The following FBXW9 variants were observed in gnomAD, a reference collection of about 807,000 sequenced individuals.
The protein encoded by FBXW9 is F-box and WD repeat domain containing 9, also known as F-box/WD repeat-containing protein 9.
FBXW9 carries 38 observed loss-of-function variants against 55.8 expected under a neutral mutation model. The ratio of observed to expected loss-of-function variants is 0.68; its 90% confidence interval spans 0.53 to 0.89. The LOEUF (loss-of-function observed/expected upper bound fraction) is 0.89. Among genes scored for constraint, FBXW9 ranks in the 40% least tolerant of loss-of-function variants. The pLI is 0.00. For missense variants in FBXW9, 590 were observed against 619.4 expected (o/e 0.95, Z 0.50); for synonymous variants, 289 against 278.2 (o/e 1.04, Z -0.38).
In FBXW9 at chr19:12,691,199, A is replaced by T; in HGVS notation, c.850T>A (p.Tyr284Asn). The T allele has an allele frequency of 1.2e-6, 2 of 1,614,196 alleles. No individual in the cohort carries two copies. Among genetic ancestry groups the T allele is most frequent in the Non-Finnish European group, 1.7e-6 (2 of 1,180,022 alleles). ...TCGTAGATGGTCACCTTCTTGTCAT[A>T]GGTGCCAGTCACCAGGATGTCAGGC... ...YLPDILVTGTYDKKVTIYDPR... is the reference protein window; with the variant it reads ...YLPDILVTGTNDKKVTIYDPR... The change falls in exon 5 of 10, where the codon TAT becomes AAT. Residue 284 changes from tyrosine (Y) to asparagine (N), a missense_variant. Physicochemically the swap from Tyr to Asn is moderately radical, Grantham distance 143 (BLOSUM62 -2). Transcript: ENST00000393261.
At chr19:12,695,064 A>G in intron 1 of FBXW9, 126 bp from the exon 2 acceptor site, 1 of 1,121,282 alleles carries the variant, frequency 8.9e-7, no homozygotes, top group Non-Finnish European at 1.2e-6. Flanking sequence ...CCCCATGGAG[A>G]TCCCTACTCC....
At position 12,691,214 on chromosome 19, in the gene FBXW9, G is replaced by A. The variant is rs1188065505; in HGVS notation, c.835C>T (p.Leu279=). 3 of 1,614,224 alleles carry A rather than the reference G, an allele frequency of 1.9e-6. No individual in the cohort carries two copies. The highest frequency in any genetic ancestry group is 2.5e-6 in the Non-Finnish European group (3 of 1,180,036). ...VLCLSYLPDI[L]VTGTYDKKVT... is the part of the protein sequence containing the mutation. ...TTCTTGTCATAGGTGCCAGTCACCA[G>A]GATGTCAGGCAGGTAGGAGAGGCAC... Residue 279 remains leucine (L), a synonymous_variant, in exon 5 of 10, where the codon CTG becomes TTG. Coordinates refer to ENST00000393261, the MANE Select transcript of FBXW9 (RefSeq NM_032301.3).
intron 3 of FBXW9, among the ~76,000 whole-genome samples, chr19:12,692,383 G>A (rs545542772): frequency 9.6e-4 from 145 of 150,514 alleles, no homozygotes; most frequent in African/African-American, 3.4e-3. Flanking sequence ...ATGTGCCACC[G>A]CGCCAGCTAA....
chr19:12,690,776 C>G (rs2024996635), intron 5 of FBXW9, among the ~76,000 whole-genome samples: 1 of 152,118 alleles, frequency 6.6e-6, no homozygotes, highest in African/African-American at 2.4e-5. Flanking sequence ...TCTGGAGTAG[C>G]TGGGACTACA....
rs568783374 is a variant in FBXW9 at position 12,690,451 on chromosome 19, G to T, written c.884-341C>A. 1.0e-3 allele frequency among the ~76,000 whole-genome samples: 158 copies of T among 152,250 alleles called. 1 individual carries two copies. Among genetic ancestry groups the T allele is most frequent in the African/African-American group, 3.0e-3 (124 of 41,540 alleles). The stretch of plus-strand genomic sequence containing the variant: ...CCGCAGCCCCGCTCCAGCTCTGCCT[G>T]GACAAGGTACACTGGCCCTTCAATT... On this transcript the variant is annotated intron_variant, in intron 5 of 9. Transcript: ENST00000393261.
At chr19:12,696,106 C>T (rs973418747) in intron 1 of FBXW9, 67 bp downstream of exon 1, 128 of 1,429,818 alleles carry the variant, frequency 9.0e-5, no homozygotes, top group Non-Finnish European at 1.1e-4. Context: ...TGTACCTCTT[C>T]CCCGCCCCAA....
chr19:12,690,818 C>T (rs938593768), intron 5 of FBXW9, among the ~76,000 whole-genome samples: 1 of 152,088 alleles, frequency 6.6e-6, no homozygotes, highest in Non-Finnish European at 1.5e-5. Context: ...CATAAAAAAA[C>T]GTAGTTAATC....
chr19:12,696,618 C>T lies in FBXW9; in HGVS notation c.-37G>A, dbSNP rs773898076. On this transcript the variant is annotated 5_prime_UTR_variant, in exon 1 of 10. Transcript: ENST00000393261. Reference sequence around the variant, plus strand: ...GGGCGCTGCCGGCCTCGCGTCTTGTCTCCTAGGCAGCACGAGGGCACTTCC... The same window carrying T: ...GGGCGCTGCCGGCCTCGCGTCTTGTTTCCTAGGCAGCACGAGGGCACTTCC... The T allele has an allele frequency of 1.3e-6, 2 of 1,589,932 alleles. No homozygotes were observed. The highest frequency in any genetic ancestry group is 1.7e-6 in the Non-Finnish European group (2 of 1,175,686).
intron 3 of FBXW9, among the ~76,000 whole-genome samples, chr19:12,692,463 T>C (rs2025021404): frequency 6.6e-6 from 1 of 151,604 alleles, no homozygotes; most frequent in Non-Finnish European, 1.5e-5. Flanking sequence ...TGACCTCAGA[T>C]GATCCGCCTG....
intron 1 of FBXW9, 146 bp downstream of exon 1, chr19:12,696,027 A>G: frequency 1.2e-6 from 1 of 861,610 alleles, no homozygotes; most frequent in Non-Finnish European, 1.7e-6. Flanking sequence ...ACCAGTAACT[A>G]CCTTAGCCTC....
At chr19:12,693,418 GA>G (rs1411479777) in intron 3 of FBXW9, among the ~76,000 whole-genome samples, 1 of 146,164 alleles carries the variant, frequency 6.8e-6, no homozygotes, top group Non-Finnish European at 1.5e-5. Context: ...TAGCATTTTG[GA>G]AGGCTGAGTC....
intron 3 of FBXW9, among the ~76,000 whole-genome samples, chr19:12,693,770 A>G (rs2025042849): frequency 6.8e-6 from 1 of 148,114 alleles, no homozygotes; most frequent in Admixed American, 6.8e-5. Context: ...AGGCACCTGT[A>G]ATCCCAGTTA....
rs763467704 is a variant in FBXW9, at chr19:12,689,860, C to T, written c.1047G>A (p.Leu349=). The T allele has an allele frequency of 6.2e-7, 1 of 1,614,092 alleles. No individual in the cohort carries two copies. Among genetic ancestry groups the T allele is most frequent in the Non-Finnish European group, 8.5e-7 (1 of 1,179,996 alleles). ...GGGGTTCCTGGTAGGACATGCAGAG[C>T]AGGTAGGAGTCCAGCTACGAGAGGG... is the stretch of plus-strand genomic sequence containing the variant. ...VLQRLQLDSY[L]LCMSYQEPQL... is the part of the protein sequence containing the mutation. The change falls in exon 7 of 10, where the codon CTG becomes CTA. Residue 349 remains leucine (L), a synonymous_variant. Coordinates refer to ENST00000393261, the MANE Select transcript of FBXW9 (RefSeq NM_032301.3). The surrounding 1 kb of genome is among the most constrained non-coding windows in gnomAD (Gnocchi z 5.9).
chr19:12,696,353 G>A lies in FBXW9; in HGVS notation c.229C>T (p.Pro77Ser), dbSNP rs775469170. Reference sequence around the variant, plus strand: ...TCCGGGGGAAGGCTCAGAAGGCCCGGCTCACTTACGGCCGAAACCCTGGAC... The same window carrying A: ...TCCGGGGGAAGGCTCAGAAGGCCCGACTCACTTACGGCCGAAACCCTGGAC... Reference protein sequence around the residue: ...AASRVSAVSEPGLLSLPPELL... With the variant: ...AASRVSAVSESGLLSLPPELL... The change falls in exon 1 of 10, where the codon CCG becomes TCG. Residue 77 changes from proline to serine, a missense_variant. Transcript: ENST00000393261. The A allele has an allele frequency of 6.2e-7, 1 of 1,604,038 alleles. No individual in the cohort carries two copies. Among genetic ancestry groups the A allele is most frequent in the Non-Finnish European group, 8.5e-7 (1 of 1,176,090 alleles).
chr19:12,692,161 G>A (rs1386530766), intron 3 of FBXW9, among the ~76,000 whole-genome samples: 1 of 151,472 alleles, frequency 6.6e-6, no homozygotes, highest in Non-Finnish European at 1.5e-5. Flanking sequence ...CCAGGCTCAA[G>A]CAATCCTTGT....
rs199776144 is a variant in FBXW9 at position 12,696,598 on chromosome 19, C to G, written c.-17G>C. 3.7e-6 allele frequency: 6 copies of G among 1,602,414 alleles called. No homozygotes were observed. The African/African-American group carries it at 6.7e-5, about 18-fold the overall frequency. ...AAGCTCCATTGCGACCGGGTGGGCG[C>G]TGCCGGCCTCGCGTCTTGTCTCCTA... On this transcript the variant is annotated 5_prime_UTR_variant, in exon 1 of 10. Transcript: ENST00000393261.
At position 12,696,362 on chromosome 19, in the gene FBXW9, C is replaced by T. The variant is rs768431805; in HGVS notation, c.220G>A (p.Val74Ile). The change falls in exon 1 of 10, where the codon GTA becomes ATA. Residue 74 changes from valine (V) to isoleucine (I), a missense_variant. Physicochemically the swap from Val to Ile is conservative, Grantham distance 29 (BLOSUM62 3). Transcript: ENST00000393261. Reference protein sequence around the residue: ...EPRAASRVSAVSEPGLLSLPP... With the variant: ...EPRAASRVSAISEPGLLSLPP... ...AGGCTCAGAAGGCCCGGCTCACTTA[C>T]GGCCGAAACCCTGGACGCGGCCCGA... The T allele has an allele frequency of 2.5e-6, 4 of 1,607,452 alleles. No individual in the cohort carries two copies. Among genetic ancestry groups the T allele is most frequent in the Non-Finnish European group, 3.4e-6 (4 of 1,177,660 alleles).
chr19:12,691,471 G>A lies in FBXW9; in HGVS notation c.679-17C>T, dbSNP rs1298535159. On this transcript the variant is annotated splice_polypyrimidine_tract_variant and intron_variant, in intron 3 of 9. Coordinates refer to ENST00000393261, the MANE Select transcript of FBXW9 (RefSeq NM_032301.3). ...CACCCAGCCCTGCAGGACAGGAGCAGCAGTCACACACCTGCCACAGCCCAT... is the reference window on the plus strand; with the variant it reads ...CACCCAGCCCTGCAGGACAGGAGCAACAGTCACACACCTGCCACAGCCCAT... The A allele has an allele frequency of 1.3e-6, 2 of 1,546,012 alleles. No homozygotes were observed. Among genetic ancestry groups the A allele is most frequent in the Non-Finnish European group, 1.7e-6 (2 of 1,145,040 alleles).
At chr19:12,695,432 T>C (rs945201961) in intron 1 of FBXW9, among the ~76,000 whole-genome samples, 1 of 152,192 alleles carries the variant, frequency 6.6e-6, no homozygotes, top group East Asian at 1.9e-4. Context: ...CAAGCATCTA[T>C]GTTTATTAAG....
Sources: gnomAD v4.1 joint callset for allele counts (sites outside exome capture counted in the v4.1 genomes callset) on GRCh38, gnomAD v4.1.1 for gene constraint, Gnocchi (gnomAD v3.1) non-coding constraint, MANE v1.5 for transcripts, NCBI Gene and HGNC (gene_info 2026-07-23, HGNC 2026-07-21) for gene names.